The following PRSS22 variants were observed in gnomAD, a reference collection of about 807,000 sequenced individuals.
The protein encoded by PRSS22 is serine protease 22.
PRSS22 carries 26 observed loss-of-function variants against 28.0 expected under a neutral mutation model. The observed-to-expected ratio is 0.93, with a 90% confidence interval of 0.68 to 1.29. PRSS22 has a LOEUF of 1.29. Ranked by LOEUF, PRSS22 falls within the 50% of genes most tolerant of loss-of-function variation. The pLI is 0.00. For missense variants in PRSS22, 444 were observed against 422.1 expected, an observed-to-expected ratio of 1.05 and a Z score of -0.46; for synonymous variants, 217 against 177.9, an observed-to-expected ratio of 1.22 and a Z score of -1.75.
At position 2,853,515 on chromosome 16, in the gene PRSS22, C is replaced by T. The variant is rs993083242; in HGVS notation, c.718-186G>A. On this transcript the variant is annotated intron_variant, in intron 5 of 5. Transcript: ENST00000161006. The surrounding 1 kb of genome is among the most constrained non-coding windows in gnomAD (Gnocchi z 4.6). Reference sequence around the variant, plus strand: ...CGGCAGAGTAGGAGCTGCAGCCAGGCCTTAAGACGTCCAGGCGCGGGTGCT... The same window carrying T: ...CGGCAGAGTAGGAGCTGCAGCCAGGTCTTAAGACGTCCAGGCGCGGGTGCT... 3.3e-5 allele frequency among the ~76,000 whole-genome samples: 5 copies of T among 152,212 alleles called. No individual in the cohort carries two copies. The highest frequency in any genetic ancestry group is 7.3e-5 in the Non-Finnish European group (5 of 68,032).
At chr16:2,857,811 C>T (rs536218749) in intron 1 of PRSS22, 7 of 395,500 alleles carry the variant, frequency 1.8e-5, no homozygotes, top group Non-Finnish European at 2.6e-5. Flanking sequence ...AACTGGAGAC[C>T]GAGGCGCGCT....
At chr16:2,856,287 C>G in intron 2 of PRSS22, 34 bp from the exon 3 acceptor site, 1 of 1,608,708 alleles carries the variant, frequency 6.2e-7, no homozygotes, top group Non-Finnish European at 8.5e-7. Context: ...TTATCTCCAA[C>G]TTCCTACAAC....
At chr16:2,855,551 C>T (rs199667983) in intron 4 of PRSS22, 23 bp downstream of exon 4, 1 of 1,613,128 alleles carries the variant, frequency 6.2e-7, no homozygotes, top group Non-Finnish European at 8.5e-7. Context: ...CCCCCAACCA[C>T]CTTGGAGAGG....
chr16:2,857,999 G>T, intron 1 of PRSS22, 24 bp downstream of exon 1: 1 of 1,265,656 alleles, frequency 7.9e-7, no homozygotes, highest in South Asian at 3.3e-5. Context: ...AGAGGGAGGA[G>T]GGAGGAGCAG....
chr16:2,856,789 C>G (rs1596326599), intron 2 of PRSS22, 33 bp downstream of exon 2: 1 of 1,551,572 alleles, frequency 6.4e-7, no homozygotes. Flanking sequence ...CTCCTCCCTT[C>G]TCCCTCCCGT....
intron 4 of PRSS22, 96 bp downstream of exon 4, chr16:2,855,478 T>C (rs907398784): frequency 7.0e-7 from 1 of 1,422,934 alleles, no homozygotes; most frequent in Admixed American, 1.8e-5. Context: ...GCCTCTGGCC[T>C]CCACCCTTTG....
chr16:2,856,049 G>T (rs1364359917), intron 3 of PRSS22, 33 bp downstream of exon 3: 33 of 1,607,608 alleles, frequency 2.1e-5, no homozygotes, highest in Non-Finnish European at 2.8e-5. Context: ...CAGGGCCTTA[G>T]AAGATCAAGT....
chr16:2,856,587 T>C (rs2069459679), intron 2 of PRSS22, among the ~76,000 whole-genome samples: 1 of 151,924 alleles, frequency 6.6e-6, no homozygotes, highest in African/African-American at 2.4e-5. Context: ...CCTCTTTCCT[T>C]ACCCTGCTTT....
In PRSS22 at chr16:2,853,594, T is replaced by A. The variant is rs926645981; in HGVS notation, c.718-265A>T. 1.3e-4 allele frequency among the ~76,000 whole-genome samples: 20 copies of A among 152,216 alleles called. No individual in the cohort carries two copies. Among genetic ancestry groups the A allele is most frequent in the Admixed American group, 1.1e-3 (17 of 15,282 alleles). On this transcript the variant is annotated intron_variant, in intron 5 of 5. Transcript: ENST00000161006. The surrounding 1 kb of genome is among the most constrained non-coding windows in gnomAD (Gnocchi z 4.6). ...ACAGCCCCTGAGCTACAGCTGGCTC[T>A]GGGCACTGAGGCGTGGGAAGCCCCC... is the stretch of plus-strand genomic sequence containing the variant.
Position 2,853,401 on chromosome 16 carries a change from CAG to C in PRSS22, c.718-74_718-73del. 1.5e-5 allele frequency: 19 copies of C among 1,291,618 alleles called. No individual in the cohort carries two copies. The highest frequency in any genetic ancestry group is 1.9e-5 in the Non-Finnish European group (18 of 931,724). The allele number at this position is 1,291,618 out of a possible 1,614,324, so 80.0% of individuals were successfully genotyped here. On this transcript the variant is annotated intron_variant, in intron 5 of 5. Coordinates refer to ENST00000161006, the MANE Select transcript of PRSS22 (RefSeq NM_022119.4). This position sits in a 1 kb window ranked among gnomAD's most constrained non-coding sequence, Gnocchi z 4.6. ...GCAGAATCCAGGGCCCGTGCCCTGT[CAG>C]GGGGCAGATGAGCCCCTTCCCGGGA...
intron 1 of PRSS22, 97 bp from the exon 2 acceptor site, chr16:2,856,945 C>T: frequency 7.2e-7 from 1 of 1,383,066 alleles, no homozygotes; most frequent in Non-Finnish European, 1.0e-6. Context: ...CCCCAACACC[C>T]AGTAAGAAGG....
chr16:2,857,667 G>A (rs923643093), intron 1 of PRSS22: 5 of 83,104 alleles, frequency 6.0e-5, no homozygotes, highest in South Asian at 4.0e-4. Flanking sequence ...CGCTGCTGCC[G>A]CTGGTGTGCC....
In PRSS22 at chr16:2,855,365, A is replaced by AG. The variant is rs1555473081; in HGVS notation, c.559+208_559+209insC. On this transcript the variant is annotated intron_variant, in intron 4 of 5. Transcript: ENST00000161006. ...CCTGTCTCAAAAAAAAAAAAAAAAA[A>AG]AAGAAGAAGAAGAAAGAAAAGAAAA... Among the ~76,000 whole-genome samples, 355 of 134,596 alleles carry AG rather than the reference A, an allele frequency of 2.6e-3. 2 individuals are homozygous for AG. Among genetic ancestry groups the AG allele is most frequent in the African/African-American group, 9.7e-3 (334 of 34,378 alleles). 88.3% of individuals were successfully genotyped at this position (134,596 alleles called of 152,430 possible).
At chr16:2,856,578 C>T (rs553026199) in intron 2 of PRSS22, among the ~76,000 whole-genome samples, 2 of 152,082 alleles carry the variant, frequency 1.3e-5, no homozygotes, top group East Asian at 1.9e-4. Context: ...CTCCCTCCCC[C>T]TCTTTCCTTA....
intron 1 of PRSS22, among the ~76,000 whole-genome samples, chr16:2,857,430 C>A (rs2069472253): frequency 6.6e-6 from 1 of 152,136 alleles, no homozygotes; most frequent in Non-Finnish European, 1.5e-5. Flanking sequence ...GGAGGGGGTC[C>A]CCTTGAGTAC....
intron 1 of PRSS22, 133 bp downstream of exon 1, chr16:2,857,890 G>T (rs930709115): frequency 8.2e-6 from 5 of 611,562 alleles, no homozygotes; most frequent in Admixed American, 4.4e-5. Flanking sequence ...AGCAGTTAAG[G>T]AGCAAGAGAT....
At position 2,855,997 on chromosome 16, in the gene PRSS22, G is replaced by A; in HGVS notation, c.281+85C>T. 3.2e-6 allele frequency: 5 copies of A among 1,541,156 alleles called. No individual in the cohort carries two copies. The South Asian group carries it at 4.8e-5, about 15-fold the overall frequency. On this transcript the variant is annotated intron_variant, in intron 3 of 5. Transcript: ENST00000161006. ...ACCAAGATTGAACAGAGGCCCGGAA[G>A]CAGAGCCTGTAAAGGGAGCCCAGGG...
chr16:2,853,306 C>T lies in PRSS22; in HGVS notation c.741G>A (p.Met247Ile). Residue 247 changes from methionine (M) to isoleucine (I), a missense_variant, in exon 6 of 6, where the codon ATG becomes ATA. Met to Ile is a conservative substitution (Grantham distance 10). Coordinates refer to ENST00000161006, the MANE Select transcript of PRSS22 (RefSeq NM_022119.4). This position sits in a 1 kb window ranked among gnomAD's most constrained non-coding sequence, Gnocchi z 4.6. ...ACLGDSGGPL[M>I]CQVDGAWLLA... ...GCAGCCAGGCGCCGTCCACCTGGCA[C>T]ATGAGGGGGCCCCCGGAGTCGCCCT... 6.3e-6 allele frequency: 10 copies of T among 1,598,082 alleles called. No individual in the cohort carries two copies. The highest frequency in any genetic ancestry group is 8.5e-6 in the Non-Finnish European group (10 of 1,179,054).
intron 2 of PRSS22, 70 bp downstream of exon 2, chr16:2,856,752 A>G: frequency 6.6e-7 from 1 of 1,516,746 alleles, no homozygotes; most frequent in Non-Finnish European, 9.0e-7. Context: ...CAGGGGACGG[A>G]CACATAGACA....
Sources: allele counts gnomAD v4.1 joint callset (sites outside exome capture counted in the v4.1 genomes callset), GRCh38; gene constraint gnomAD v4.1.1; non-coding constraint Gnocchi (gnomAD v3.1); transcripts MANE v1.5; gene names NCBI Gene and HGNC (gene_info 2026-07-23, HGNC 2026-07-21).